DYRK1A: variants seen among roughly 807,000 people sequenced by gnomAD.
DYRK1A encodes dual specificity tyrosine phosphorylation regulated kinase 1A.
In DYRK1A, 9 loss-of-function variants were observed where a neutral mutation model predicts 79.7. The ratio of observed to expected loss-of-function variants is 0.11; its 90% CI spans 0.07 to 0.20. The LOEUF (loss-of-function observed/expected upper bound fraction) is 0.20. Ranked by LOEUF, DYRK1A falls within the 10% of genes least tolerant of loss-of-function variation. The pLI is 1.00. For synonymous variants in DYRK1A, 349 were observed against 329.7 expected, an observed-to-expected ratio of 1.06 and a Z score of -0.63; for missense variants, 622 against 956.0, an observed-to-expected ratio of 0.65 and a Z score of 4.61.
intron 9 of DYRK1A, chr21:37,504,488 G>A (rs1039852179): frequency 6.6e-6 from 1 of 152,132 alleles, no homozygotes; most frequent in Non-Finnish European, 1.5e-5. Context: ...TCTCTGATGG[G>A]TCTTTAAAAG....
At chr21:37,431,671 AGTTTTC>A (rs2050779181) in intron 2 of DYRK1A, among the ~76,000 whole-genome samples, 1 of 152,148 alleles carries the variant, frequency 6.6e-6, no homozygotes, top group South Asian at 2.1e-4. Flanking sequence ...TTGAAAGGGA[AGTTTTC>A]ATAATGTTCA....
intron 2 of DYRK1A, 69 bp downstream of exon 2, chr21:37,420,453 A>G (rs553858371): frequency 2.6e-6 from 4 of 1,518,060 alleles, no homozygotes; most frequent in Admixed American, 3.4e-5. Flanking sequence ...TCTATTTTGA[A>G]TGGGGGAGGT....
chr21:37,509,924 G>A (rs756807484), intron 11 of DYRK1A, among the ~76,000 whole-genome samples: 2 of 152,186 alleles, frequency 1.3e-5, no homozygotes, highest in African/African-American at 4.8e-5. Flanking sequence ...TGAGTAGCAC[G>A]ATGAAATCTC....
intron 1 of DYRK1A, among the ~76,000 whole-genome samples, chr21:37,373,340 A>G (rs567673764): frequency 4.6e-5 from 7 of 152,340 alleles, no homozygotes; most frequent in South Asian, 2.1e-4. Flanking sequence ...AGGAAGCTCT[A>G]TTGTGACTTA....
At chr21:37,440,654 T>C (rs1014356261) in intron 2 of DYRK1A, among the ~76,000 whole-genome samples, 3 of 152,216 alleles carry the variant, frequency 2.0e-5, no homozygotes, top group Non-Finnish European at 2.9e-5. Context: ...TTTAGGACTA[T>C]TTTGTTTTGA....
rs184609183 is a variant in DYRK1A at position 37,522,210 on chromosome 21, A to G, written c.*9679A>G. On this transcript the variant is annotated 3_prime_UTR_variant, in exon 12 of 12. Transcript: ENST00000647188. ...TCAGTGGGCTGACGACATTAGCATC[A>G]CCTGGGTGCTTGCTAGCAATGCAAA... 2 of 152,282 alleles carry G rather than the reference A, an allele frequency of 1.3e-5. No individual in the cohort carries two copies. The highest frequency in any genetic ancestry group is 1.9e-4 in the East Asian group (1 of 5,182). 9.4% of individuals were successfully genotyped at this position (152,282 alleles called of 1,614,324 possible).
chr21:37,481,085 A>G, intron 5 of DYRK1A: 1 of 358,612 alleles, frequency 2.8e-6, no homozygotes, highest in Non-Finnish European at 5.0e-6. Flanking sequence ...TAATCACTTA[A>G]TAGATAGTAT....
chr21:37,425,576 A>G (rs2050595779), intron 2 of DYRK1A: 1 of 152,220 alleles, frequency 6.6e-6, no homozygotes, highest in Non-Finnish European at 1.5e-5. Flanking sequence ...AAATACATTT[A>G]TATTCATGAT....
intron 1 of DYRK1A, among the ~76,000 whole-genome samples, chr21:37,416,485 T>C (rs1569303519): frequency 6.6e-6 from 1 of 151,932 alleles, no homozygotes; most frequent in Non-Finnish European, 1.5e-5. Flanking sequence ...TTTTTTCTTG[T>C]GTGTTAGGCA....
chr21:37,431,119 G>A (rs2050763430), intron 2 of DYRK1A, among the ~76,000 whole-genome samples: 1 of 152,206 alleles, frequency 6.6e-6, no homozygotes, highest in Middle Eastern at 3.4e-3. Context: ...TTCACTGCTT[G>A]TTTCTATGGA....
chr21:37,411,084 G>A (rs1049469544), intron 1 of DYRK1A, among the ~76,000 whole-genome samples: 10 of 139,736 alleles, frequency 7.2e-5, no homozygotes, highest in African/African-American at 2.7e-4. Context: ...AAGCCCAGGC[G>A]TGGTGGCTCA....
chr21:37,376,328 T>C (rs2049539711), intron 1 of DYRK1A, among the ~76,000 whole-genome samples: 1 of 151,984 alleles, frequency 6.6e-6, no homozygotes, highest in Admixed American at 6.6e-5. Flanking sequence ...GCTAAAATGG[T>C]GAAACCCCCA....
intron 2 of DYRK1A, among the ~76,000 whole-genome samples, chr21:37,469,770 A>G (rs2052157429): frequency 6.6e-6 from 1 of 152,206 alleles, no homozygotes; most frequent in African/African-American, 2.4e-5. Flanking sequence ...CACCCTCCTA[A>G]TCCAATAACC....
At chr21:37,438,573 C>T (rs1225684744) in intron 2 of DYRK1A, among the ~76,000 whole-genome samples, 3 of 152,138 alleles carry the variant, frequency 2.0e-5, no homozygotes, top group African/African-American at 4.8e-5. Context: ...AACCATTTGT[C>T]AAAAGGACTG....
chr21:37,492,816 A>G (rs755161061), intron 7 of DYRK1A, among the ~76,000 whole-genome samples: 81 of 152,168 alleles, frequency 5.3e-4, no homozygotes, highest in Admixed American at 3.3e-3. Context: ...CGTATTATGC[A>G]TTTCACAGTC....
chr21:37,410,637 C>T (rs2148413638), intron 1 of DYRK1A: 1 of 152,372 alleles, frequency 6.6e-6, no homozygotes, highest in South Asian at 2.1e-4. Context: ...AAGCAGTCTT[C>T]CCACCTCAGC....
Position 37,366,972 on chromosome 21 carries a change from CG to C in DYRK1A, c.-727del. On this transcript the variant is annotated 5_prime_UTR_variant, in exon 1 of 12. Coordinates refer to ENST00000647188, the MANE Select transcript of DYRK1A (RefSeq NM_001347721.2). ...GGCCTCAGAGAGCGGACACCCCGAG[CG>C]GGGGGTGCGGGCGCCGCCGCCGCCG... 2.5e-5 allele frequency: 4 copies of C among 159,822 alleles called. No homozygotes were observed. Among genetic ancestry groups the C allele is most frequent in the Non-Finnish European group, 5.5e-5 (4 of 72,542 alleles). 9.9% of individuals were successfully genotyped at this position (159,822 alleles called of 1,614,324 possible).
rs758314164 is a variant in DYRK1A at position 37,512,044 on chromosome 21, A to T, written c.1778A>T (p.His593Leu). The change falls in exon 12 of 12, where the codon CAT becomes CTT. Residue 593 changes from histidine (H) to leucine (L), a missense_variant. This residue lies in a region of DYRK1A where 292 missense variants were observed against 316.7 expected (regional missense o/e 0.92). Coordinates refer to ENST00000647188, the MANE Select transcript of DYRK1A (RefSeq NM_001347721.2). ...CAACAGAATGCATTGCATCATCACC[A>T]TGGTAACAGTTCCCATCACCATCAC... ...APQQNALHHHHGNSSHHHHHH... is the reference protein window; with the variant it reads ...APQQNALHHHLGNSSHHHHHH... 4 of 1,614,106 alleles carry T rather than the reference A, an allele frequency of 2.5e-6. No homozygotes were observed. The East Asian group carries it at 6.7e-5, about 27-fold the overall frequency.
At chr21:37,506,426 T>C (rs1313387957) in intron 11 of DYRK1A, 42 of 1,453,900 alleles carry the variant, frequency 2.9e-5, no homozygotes, top group Middle Eastern at 2.4e-4. Context: ...CTAACACTTA[T>C]TGGGGGCATA....
Sources: allele counts gnomAD v4.1 joint callset (sites outside exome capture counted in the v4.1 genomes callset), GRCh38; gene constraint gnomAD v4.1.1; regional missense constraint gnomAD v4.1.1; transcripts MANE v1.5; gene names NCBI Gene and HGNC (gene_info 2026-07-23, HGNC 2026-07-21).